NALF1: variants seen among roughly 807,000 people sequenced by gnomAD.
The protein encoded by NALF1 is family with sequence similarity 155 member A.
A neutral mutation model predicts 48.4 loss-of-function variants in NALF1; 3 were observed. The ratio of observed to expected loss-of-function variants is 0.06; its 90% confidence interval spans 0.03 to 0.16. The LOEUF (loss-of-function observed/expected upper bound fraction) is 0.16, where lower values mean the gene tolerates loss of function less well. Among genes scored for constraint, NALF1 ranks in the 10% least tolerant of loss-of-function variants. NALF1 has a pLI of 1.00. For missense variants in NALF1, 526 were observed against 571.5 expected, an observed-to-expected ratio of 0.92 and a Z score of 0.81; for synonymous variants, 262 against 245.7, an observed-to-expected ratio of 1.07 and a Z score of -0.62.
At chr13:107,668,277 A>G (rs1237111795) in intron 1 of NALF1, among the ~76,000 whole-genome samples, 2 of 152,064 alleles carry the variant, frequency 1.3e-5, no homozygotes, top group Non-Finnish European at 2.9e-5. Flanking sequence ...TGAACTTTCC[A>G]TCTCAACTAC....
chr13:107,305,846 T>C (rs1407560762), intron 1 of NALF1, among the ~76,000 whole-genome samples: 2 of 151,946 alleles, frequency 1.3e-5, no homozygotes, highest in Non-Finnish European at 2.9e-5. Context: ...ACTCTGGAGG[T>C]TGAGGACTGA....
chr13:107,743,357 G>A (rs1207314337), intron 1 of NALF1, among the ~76,000 whole-genome samples: 1 of 152,138 alleles, frequency 6.6e-6, no homozygotes, highest in Non-Finnish European at 1.5e-5. Context: ...ATCAGCCTGT[G>A]ACAAGAAACT....
chr13:107,369,634 A>C (rs1197126931), intron 1 of NALF1, among the ~76,000 whole-genome samples: 1 of 152,150 alleles, frequency 6.6e-6, no homozygotes, highest in Non-Finnish European at 1.5e-5. Flanking sequence ...TTTGGCATAA[A>C]TATGGGTCTC....
chr13:107,344,102 G>A (rs1882732097), intron 1 of NALF1, among the ~76,000 whole-genome samples: 1 of 152,010 alleles, frequency 6.6e-6, no homozygotes, highest in Non-Finnish European at 1.5e-5. Flanking sequence ...AAATGGATAT[G>A]TTTCCAGAAA....
At chr13:107,523,977 C>T (rs115334520) in intron 1 of NALF1, among the ~76,000 whole-genome samples, 5,571 of 152,056 alleles carry the variant, frequency 0.037, 183 homozygotes, top group African/African-American at 0.087. Flanking sequence ...TATGGAGTTA[C>T]CTTTAATTTG....
chr13:107,799,861 G>A (rs1363394479), intron 1 of NALF1, among the ~76,000 whole-genome samples: 1 of 152,062 alleles, frequency 6.6e-6, no homozygotes, highest in Non-Finnish European at 1.5e-5. Flanking sequence ...AAAAAATCAG[G>A]TGAAAAATCT....
At chr13:107,654,167 A>T (rs1880518521) in intron 1 of NALF1, among the ~76,000 whole-genome samples, 1 of 152,158 alleles carries the variant, frequency 6.6e-6, no homozygotes, top group African/African-American at 2.4e-5. Flanking sequence ...AAGAGAGAAG[A>T]TCCAAATAAG....
rs373265317 is a variant in NALF1, at chr13:107,448,490, A to C, written c.916-237735T>G. Reference sequence around the variant, plus strand: ...GTTGGTCTTGTCTCTGCAAGTGGAGAAGTAGGATATTTATATAATATTTAC... The same window carrying C: ...GTTGGTCTTGTCTCTGCAAGTGGAGCAGTAGGATATTTATATAATATTTAC... On this transcript the variant is annotated intron_variant, in intron 1 of 2. Transcript: ENST00000375915. Among the ~76,000 whole-genome samples, 7 of 152,278 alleles carry C rather than the reference A, an allele frequency of 4.6e-5. No individual in the cohort carries two copies. The East Asian group carries it at 9.7e-4, about 21-fold the overall frequency.
chr13:107,186,448 ACCTCTG>A (rs1257223340), intron 2 of NALF1, among the ~76,000 whole-genome samples: 6 of 152,102 alleles, frequency 3.9e-5, no homozygotes, highest in African/African-American at 1.4e-4. Context: ...GCTCACGGCA[ACCTCTG>A]CCTCCCGGGT....
intron 1 of NALF1, among the ~76,000 whole-genome samples, chr13:107,714,732 A>G (rs1875702036): frequency 6.6e-6 from 1 of 151,246 alleles, no homozygotes; most frequent in Non-Finnish European, 1.5e-5. Flanking sequence ...ATTTCCTATG[A>G]GTTTGATACA....
chr13:107,703,391 C>A (rs1881873153), intron 1 of NALF1, among the ~76,000 whole-genome samples: 1 of 143,760 alleles, frequency 7.0e-6, no homozygotes, highest in African/African-American at 2.7e-5. Context: ...TGGACAGAGT[C>A]TCGCACTGTC....
At chr13:107,784,674 A>G (rs1878018524) in intron 1 of NALF1, among the ~76,000 whole-genome samples, 1 of 152,190 alleles carries the variant, frequency 6.6e-6, no homozygotes, top group South Asian at 2.1e-4. Context: ...ATGATCAGGG[A>G]AATGCAAAAT....
intron 1 of NALF1, among the ~76,000 whole-genome samples, chr13:107,543,137 G>A (rs1319885412): frequency 2.0e-5 from 3 of 151,916 alleles, no homozygotes; most frequent in Non-Finnish European, 2.9e-5. Flanking sequence ...TAACTTAAGA[G>A]CCAAATGATT....
At chr13:107,304,133 G>A (rs1233481759) in intron 1 of NALF1, among the ~76,000 whole-genome samples, 2 of 152,022 alleles carry the variant, frequency 1.3e-5, no homozygotes, top group Non-Finnish European at 2.9e-5. Context: ...ACTTAATATT[G>A]TAGATCTACA....
intron 1 of NALF1, among the ~76,000 whole-genome samples, chr13:107,840,337 GTT>G (rs1419174808): frequency 6.6e-6 from 1 of 152,202 alleles, no homozygotes; most frequent in Non-Finnish European, 1.5e-5. Context: ...CAAGCAAACA[GTT>G]TATTTCTTGC....
intron 1 of NALF1, among the ~76,000 whole-genome samples, chr13:107,290,984 T>C (rs532197055): frequency 6.6e-6 from 1 of 151,956 alleles, no homozygotes; most frequent in Non-Finnish European, 1.5e-5. Context: ...CTTGAGACTG[T>C]GAGGCAAAAT....
At chr13:107,563,352 G>A (rs544951582) in intron 1 of NALF1, among the ~76,000 whole-genome samples, 8 of 152,216 alleles carry the variant, frequency 5.3e-5, no homozygotes, top group South Asian at 4.2e-4. Context: ...TCCTACTGCC[G>A]AAAGTGTGAT....
intron 2 of NALF1, among the ~76,000 whole-genome samples, chr13:107,198,565 T>C (rs1879442001): frequency 1.3e-5 from 2 of 152,344 alleles, no homozygotes; most frequent in South Asian, 2.1e-4. Context: ...CATACAAGAG[T>C]TGGAATTTGT....
At chr13:107,217,786 G>A (rs147826617) in intron 1 of NALF1, among the ~76,000 whole-genome samples, 160 of 152,192 alleles carry the variant, frequency 1.1e-3, no homozygotes, top group African/African-American at 3.5e-3. Flanking sequence ...AGTGCTGCTC[G>A]CGCCATCAGC....
Sources: gnomAD v4.1 joint callset for allele counts (sites outside exome capture counted in the v4.1 genomes callset) on GRCh38, gnomAD v4.1.1 for gene constraint, MANE v1.5 for transcripts, NCBI Gene and HGNC (gene_info 2026-07-23, HGNC 2026-07-21) for gene names.